CHD4: variants seen among roughly 807,000 people sequenced by gnomAD.
The protein encoded by CHD4 is ATP-dependent chromatin remodeler CHD4.
Under a neutral mutation model 235.5 loss-of-function variants are expected in CHD4, and 35 were observed. That is an observed-to-expected ratio of 0.15 (90% CI 0.11 to 0.20). The LOEUF is 0.20. Ranked by LOEUF, CHD4 falls within the 10% of genes least tolerant of loss-of-function variation. The pLI is 1.00. For missense variants in CHD4, 1,329 were observed against 2,432.3 expected, an observed-to-expected ratio of 0.55 and a Z score of 9.54; for synonymous variants, 900 against 850.2, an observed-to-expected ratio of 1.06 and a Z score of -1.02.
In CHD4 at chr12:6,593,073, C is replaced by T. The variant is rs200457661; in HGVS notation, c.2652+18G>A. 1.2e-6 allele frequency: 2 copies of T among 1,612,242 alleles called. No individual in the cohort carries two copies. The highest frequency in any genetic ancestry group is 1.7e-6 in the Non-Finnish European group (2 of 1,179,208). On this transcript the variant is annotated intron_variant, in intron 17 of 39. Transcript: ENST00000544040. This position sits in a 1 kb window ranked among gnomAD's most constrained non-coding sequence, Gnocchi z 4.9. ...AAACCCAAAGTGGGGGCTCCAACAT[C>T]CCTCCCTCAGCCCTCACCTTAGACT...
intron 33 of CHD4, 131 bp from the exon 34 acceptor site, chr12:6,579,048 C>G (rs1592262005): frequency 9.0e-6 from 7 of 773,858 alleles, no homozygotes; most frequent in Non-Finnish European, 1.5e-5. Context: ...GGCATGGTGG[C>G]TCATGCCTGT....
At chr12:6,588,226 C>G in intron 23 of CHD4, 72 bp downstream of exon 23, 2 of 1,546,192 alleles carry the variant, frequency 1.3e-6, no homozygotes, top group Non-Finnish European at 1.8e-6. Context: ...GATGGTGGAG[C>G]CCTCATAGAG....
chr12:6,592,370 T>G, intron 19 of CHD4, 23 bp downstream of exon 19: 1 of 1,559,490 alleles, frequency 6.4e-7, no homozygotes, highest in Non-Finnish European at 8.7e-7. Flanking sequence ...AAATGGAGTC[T>G]GCTTCTGTCC....
chr12:6,602,269 T>A, intron 3 of CHD4, 94 bp from the exon 4 acceptor site: 5 of 1,594,916 alleles, frequency 3.1e-6, no homozygotes, highest in Non-Finnish European at 4.3e-6. Context: ...CCCCAGAACA[T>A]GGCCCACCAC....
Position 6,601,710 on chromosome 12 carries a change from G to A in CHD4, c.495C>T (p.His165=), listed in dbSNP as rs751995115. The change falls in exon 5 of 40, where the codon CAC becomes CAT. Residue 165 remains histidine, a synonymous_variant. Transcript: ENST00000544040. ...LEDWGMEDID[H]VFSEEDYRTL... is the part of the protein sequence containing the mutation. The stretch of plus-strand genomic sequence containing the variant: ...TTCGATAATCCTCCTCTGAGAACAC[G>A]TGGTCAATGTCTTCCATGCCCCAGT... 2.0e-5 allele frequency: 32 copies of A among 1,614,022 alleles called. No homozygotes were observed. Among genetic ancestry groups the A allele is most frequent in the African/African-American group, 2.7e-5 (2 of 74,910 alleles).
intron 5 of CHD4, 47 bp downstream of exon 5, chr12:6,601,601 G>A (rs1280398409): frequency 1.9e-6 from 3 of 1,613,160 alleles, no homozygotes; most frequent in African/African-American, 1.3e-5. Context: ...TAAGAAGAGA[G>A]AACAGAAAGA....
At chr12:6,585,974 C>T (rs745342482) in intron 25 of CHD4, among the ~76,000 whole-genome samples, 1 of 151,924 alleles carries the variant, frequency 6.6e-6, no homozygotes, top group African/African-American at 2.4e-5. Flanking sequence ...GTGGTGCATA[C>T]CTGTAATCTC....
chr12:6,592,318 T>TG, intron 19 of CHD4, 75 bp downstream of exon 19: 1 of 1,504,410 alleles, frequency 6.6e-7, no homozygotes, highest in Non-Finnish European at 8.9e-7. Context: ...TGAAGCTGAG[T>TG]GGGGGAGGAA....
In CHD4 at chr12:6,578,104, G is replaced by T; in HGVS notation, c.5153C>A (p.Ala1718Glu). 1 of 1,613,032 alleles carries T rather than the reference G, an allele frequency of 6.2e-7. No individual in the cohort carries two copies. Residue 1718 changes from alanine (A) to glutamate (E), a missense_variant, in exon 36 of 40, where the codon GCA becomes GAA. Coordinates refer to ENST00000544040, the MANE Select transcript of CHD4 (RefSeq NM_001273.5). ...LHSLWQNEER[A>E]ATVTKKTYEI... ...ATAAGTCTTCTTGGTAACTGTGGCTGCCCGCTCTTCATTCTGCCAAAGGGA... is the reference window on the plus strand; with the variant it reads ...ATAAGTCTTCTTGGTAACTGTGGCTTCCCGCTCTTCATTCTGCCAAAGGGA...
At chr12:6,571,369 C>T (rs991183538) in intron 38 of CHD4, 2 of 256,802 alleles carry the variant, frequency 7.8e-6, no homozygotes, top group African/African-American at 2.2e-5. Context: ...TTATTTCACC[C>T]TCCGCCTCCT....
At chr12:6,605,924 C>G (rs1248967108) in intron 2 of CHD4, among the ~76,000 whole-genome samples, 1 of 152,176 alleles carries the variant, frequency 6.6e-6, no homozygotes, top group Non-Finnish European at 1.5e-5. Flanking sequence ...CTCAACGCCC[C>G]CCTCCACCAC....
intron 24 of CHD4, 54 bp from the exon 25 acceptor site, chr12:6,587,613 G>C: frequency 1.9e-6 from 3 of 1,607,974 alleles, no homozygotes; most frequent in Non-Finnish European, 2.6e-6. Context: ...AGCTGCAGTG[G>C]AAAAAGCAAG....
At chr12:6,606,001 G>A (rs1282666035) in intron 2 of CHD4, among the ~76,000 whole-genome samples, 1 of 152,234 alleles carries the variant, frequency 6.6e-6, no homozygotes, top group East Asian at 1.9e-4. Context: ...ACCAGGTAAT[G>A]CCTGCCAGCC....
chr12:6,583,698 A>G (rs932652742), intron 25 of CHD4: 2 of 245,126 alleles, frequency 8.2e-6, no homozygotes, highest in African/African-American at 4.6e-5. Context: ...AGCAAAAAGA[A>G]AAGAGGTCAG....
At chr12:6,599,268 C>A (rs1483333619) in intron 10 of CHD4, among the ~76,000 whole-genome samples, 1 of 151,818 alleles carries the variant, frequency 6.6e-6, no homozygotes, top group African/African-American at 2.4e-5. Context: ...CCTGTCTCAA[C>A]AGAGATTTTT....
rs1230887240 is a variant in CHD4 at position 6,600,346 on chromosome 12, G to A, written c.1113C>T (p.Asp371=). 1.2e-6 allele frequency: 2 copies of A among 1,613,978 alleles called. No individual in the cohort carries two copies. Among genetic ancestry groups the A allele is most frequent in the African/African-American group, 2.7e-5 (2 of 74,864 alleles). Residue 371 remains aspartate (D), a synonymous_variant, in exon 9 of 40, where the codon GAC becomes GAT. Transcript: ENST00000544040. ...AVDGYETDHQ[D]YCEVCQQGGE... is the part of the protein sequence containing the mutation. ...CGCCTTGCTGGCACACCTCGCAATA[G>A]TCCTGGTGGTCTGTCTCATAACCAT...
In CHD4 at chr12:6,587,497, G is replaced by A. The variant is rs1371509409; in HGVS notation, c.3766C>T (p.Arg1256Trp). ...TCATCCTGGTTACGGTCTAGCAGCC[G>A]TTCAATGGCCTTATCATCGTAGTGG... ...VIHYDDKAIERLLDRNQDETE... is the reference protein window; with the variant it reads ...VIHYDDKAIEWLLDRNQDETE... The change falls in exon 25 of 40, where the codon CGG becomes TGG. Residue 1256 changes from arginine to tryptophan, a missense_variant. By Grantham distance (101) the Arg-to-Trp change is moderately radical (BLOSUM62 -3). This residue lies in a region of CHD4 where 21 missense variants were observed against 53.5 expected (regional missense o/e 0.39). Coordinates refer to ENST00000544040, the MANE Select transcript of CHD4 (RefSeq NM_001273.5). The A allele has an allele frequency of 6.2e-6, 10 of 1,614,140 alleles. No individual in the cohort carries two copies. Among genetic ancestry groups the A allele is most frequent in the Non-Finnish European group, 7.6e-6 (9 of 1,180,030 alleles).
chr12:6,600,147 C>T (rs150098926), intron 9 of CHD4, 70 bp downstream of exon 9: 24 of 1,584,602 alleles, frequency 1.5e-5, no homozygotes, highest in Middle Eastern at 1.7e-4. Flanking sequence ...TCCATCCAGG[C>T]CCCGAAGAGC....
At chr12:6,584,520 G>T (rs1474768651) in intron 25 of CHD4, 2 of 152,022 alleles carry the variant, frequency 1.3e-5, no homozygotes, top group Non-Finnish European at 2.9e-5. Flanking sequence ...CACGCAGCTG[G>T]GACCACAAGC....
Sources: allele counts gnomAD v4.1 joint callset (sites outside exome capture counted in the v4.1 genomes callset), GRCh38; gene constraint gnomAD v4.1.1; regional missense constraint gnomAD v4.1.1; non-coding constraint Gnocchi (gnomAD v3.1); transcripts MANE v1.5; gene names NCBI Gene and HGNC (gene_info 2026-07-23, HGNC 2026-07-21).